The following CCDC97 variants were observed in gnomAD, a reference collection of about 807,000 sequenced individuals.
CCDC97 encodes the protein coiled-coil domain-containing protein 97.
CCDC97 carries 27 observed loss-of-function variants against 33.9 expected under a neutral mutation model. That is an observed-to-expected ratio of 0.80 (90% CI 0.59 to 1.10). The LOEUF (loss-of-function observed/expected upper bound fraction) is 1.10, where lower values mean the gene tolerates loss of function less well. Ranked by LOEUF, CCDC97 falls within the 50% of genes least tolerant of loss-of-function variation. The pLI is 0.00. For missense variants in CCDC97, 422 were observed against 476.6 expected (o/e 0.89, Z 1.07); for synonymous variants, 217 against 194.0 (o/e 1.12, Z -0.99).
Position 41,316,702 on chromosome 19 carries a change from G to C in CCDC97, c.365G>C (p.Cys122Ser). ...RTGLREEHLA[C>S]FGHVRGDHRA... ...GGCCTCCGTGAGGAGCATCTGGCCT[G>C]CTTTGGCCACGTGCGTGGCGACCAC... The change falls in exon 2 of 5, where the codon TGC becomes TCC. Residue 122 changes from cysteine to serine, a missense_variant. Coordinates refer to ENST00000269967, the MANE Select transcript of CCDC97 (RefSeq NM_052848.3). 1 of 1,614,022 alleles carries C rather than the reference G, an allele frequency of 6.2e-7. No homozygotes were observed. Among genetic ancestry groups the C allele is most frequent in the Non-Finnish European group, 8.5e-7 (1 of 1,179,952 alleles).
chr19:41,317,534 G>C (rs2037763144), intron 2 of CCDC97, among the ~76,000 whole-genome samples: 1 of 151,734 alleles, frequency 6.6e-6, no homozygotes, highest in Non-Finnish European at 1.5e-5. Context: ...ACCAGCCTGG[G>C]CAACATGGCG....
chr19:41,310,580 C>T, intron 1 of CCDC97: 2 of 985,326 alleles, frequency 2.0e-6, no homozygotes, highest in South Asian at 4.7e-5. Context: ...TTCCCAGTTC[C>T]AGACCAATCC....
intron 1 of CCDC97, among the ~76,000 whole-genome samples, chr19:41,314,670 C>G (rs1254230135): frequency 6.6e-6 from 1 of 152,204 alleles, no homozygotes; most frequent in Non-Finnish European, 1.5e-5. Flanking sequence ...TCAAATGTCA[C>G]TTTTTTGGCA....
At position 41,316,522 on chromosome 19, in the gene CCDC97, C is replaced by T; in HGVS notation, c.185C>T (p.Ala62Val). ...DSDTSGAENA[A>V]VSAMLHAVAA... The stretch of plus-strand genomic sequence containing the variant: ...GACACCTCCGGGGCTGAAAATGCAG[C>T]AGTGAGTGCTATGCTGCACGCTGTA... The change falls in exon 2 of 5, where the codon GCA (alanine) becomes GTA (valine). Residue 62 changes from alanine (A) to valine (V), a missense_variant. By Grantham distance (64) the Ala-to-Val change is moderately conservative. Coordinates refer to ENST00000269967, the MANE Select transcript of CCDC97 (RefSeq NM_052848.3). The T allele has an allele frequency of 1.2e-6, 2 of 1,614,244 alleles. No individual in the cohort carries two copies. The highest frequency in any genetic ancestry group is 1.7e-6 in the Non-Finnish European group (2 of 1,180,038).
Position 41,316,461 on chromosome 19 carries a change from G to C in CCDC97, c.124G>C (p.Glu42Gln). Residue 42 changes from glutamate (E) to glutamine (Q), a missense_variant, in exon 2 of 5, where the codon GAA becomes CAA. Transcript: ENST00000269967. ...CCCATCTAAACCCCAGGACAAAGTG[G>C]AAGCAGCTGAGGCAACACCAGTGGC... is the stretch of plus-strand genomic sequence containing the variant. Reference protein sequence around the residue: ...PVPSKPQDKVEAAEATPVALD... With the variant: ...PVPSKPQDKVQAAEATPVALD... 6.2e-7 allele frequency: 1 copy of C among 1,614,222 alleles called. No homozygotes were observed. Among genetic ancestry groups the C allele is most frequent in the Non-Finnish European group, 8.5e-7 (1 of 1,180,042 alleles).
chr19:41,318,097 G>A (rs567826279), intron 2 of CCDC97, among the ~76,000 whole-genome samples: 79 of 151,966 alleles, frequency 5.2e-4, no homozygotes, highest in African/African-American at 1.9e-3. Flanking sequence ...GAGATGGAGA[G>A]AGATCCAGAG....
chr19:41,318,642 G>A (rs907825899), intron 2 of CCDC97, among the ~76,000 whole-genome samples: 1 of 152,196 alleles, frequency 6.6e-6, no homozygotes, highest in Non-Finnish European at 1.5e-5. Context: ...AGGGACCAGG[G>A]CAGGTTTAAC....
At position 41,324,124 on chromosome 19, in the gene CCDC97, G is replaced by A. The variant is rs2037857485; in HGVS notation, c.*1409G>A. Reference sequence around the variant, plus strand: ...GCCCTCTGGGTCAACCAGAATTAGAGCCAGACAGGGAAAGTGAGAGCTGGA... The same window carrying A: ...GCCCTCTGGGTCAACCAGAATTAGAACCAGACAGGGAAAGTGAGAGCTGGA... On this transcript the variant is annotated 3_prime_UTR_variant, in exon 5 of 5. Coordinates refer to ENST00000269967, the MANE Select transcript of CCDC97 (RefSeq NM_052848.3). The A allele has an allele frequency of 6.6e-6, 1 of 152,078 alleles. No individual in the cohort carries two copies. Among genetic ancestry groups the A allele is most frequent in the African/African-American group, 2.4e-5 (1 of 41,234 alleles). 9.4% of individuals were successfully genotyped at this position (152,078 alleles called of 1,614,324 possible).
At chr19:41,314,429 A>C (rs111377293) in intron 1 of CCDC97, among the ~76,000 whole-genome samples, 4,226 of 152,378 alleles carry the variant, frequency 0.028, 225 homozygotes, top group African/African-American at 0.096. Flanking sequence ...GGCGCAAGCC[A>C]CCGCGCCCGG....
In CCDC97 at chr19:41,310,340, G is replaced by T; in HGVS notation, c.30G>T (p.Ala10=). MEAVATATA[A]KEPDKGCIEP... ...AGGCCGTGGCGACGGCGACGGCGGC[G>T]AAGGAACCCGATAAGGGTGAGATCT... is the stretch of plus-strand genomic sequence containing the variant. Residue 10 remains alanine, a synonymous_variant, in exon 1 of 5, where the codon GCG becomes GCT. Coordinates refer to ENST00000269967, the MANE Select transcript of CCDC97 (RefSeq NM_052848.3). 1 of 1,606,530 alleles carries T rather than the reference G, an allele frequency of 6.2e-7. No individual in the cohort carries two copies. Among genetic ancestry groups the T allele is most frequent in the Non-Finnish European group, 8.5e-7 (1 of 1,176,930 alleles).
intron 1 of CCDC97, among the ~76,000 whole-genome samples, chr19:41,313,519 C>T (rs577386262): frequency 6.6e-6 from 1 of 152,288 alleles, no homozygotes; most frequent in East Asian, 1.9e-4. Context: ...TGATTTAAAT[C>T]CTCCCTGATA....
rs1223568916 is a variant in CCDC97, at chr19:41,324,400, G to C, written c.*1685G>C. The C allele has an allele frequency of 6.6e-6, 1 of 152,236 alleles. No individual in the cohort carries two copies. Among genetic ancestry groups the C allele is most frequent in the African/African-American group, 2.4e-5 (1 of 41,446 alleles). The allele number at this position is 152,236 out of a possible 1,614,324, so 9.4% of individuals were successfully genotyped here. A position where few individuals can be genotyped will look rare whatever the true frequency, so the allele number is the denominator to read the frequency against. On this transcript the variant is annotated 3_prime_UTR_variant, in exon 5 of 5. Coordinates refer to ENST00000269967, the MANE Select transcript of CCDC97 (RefSeq NM_052848.3). ...TCACAAAGGTCCTAGAAACCACTTG[G>C]CTGTCTGGCCTCTCAGGTGTCAGGG... is the stretch of plus-strand genomic sequence containing the variant.
chr19:41,316,295 C>A, intron 1 of CCDC97, 89 bp from the exon 2 acceptor site: 1 of 1,003,822 alleles, frequency 1.0e-6, no homozygotes, highest in Non-Finnish European at 1.5e-6. Flanking sequence ...ATAGTCAGTG[C>A]CCAGTAAATG....
chr19:41,310,526 G>A, intron 1 of CCDC97, 170 bp downstream of exon 1: 1 of 984,724 alleles, frequency 1.0e-6, no homozygotes, highest in Non-Finnish European at 1.2e-6. Context: ...CTTGTCGCGG[G>A]CTGACCTTCT....
At chr19:41,317,709 T>A (rs1435022510) in intron 2 of CCDC97, among the ~76,000 whole-genome samples, 35 of 115,954 alleles carry the variant, frequency 3.0e-4, no homozygotes, top group African/African-American at 1.3e-3. Flanking sequence ...AGATCTTGTC[T>A]CAAAAAAAAA....
chr19:41,314,682 A>C (rs1274645042), intron 1 of CCDC97, among the ~76,000 whole-genome samples: 1 of 152,138 alleles, frequency 6.6e-6, no homozygotes, highest in Non-Finnish European at 1.5e-5. Context: ...TTTTTGGCAA[A>C]GCCTTCTCTG....
At chr19:41,321,132 G>A (rs557652235) in intron 4 of CCDC97, among the ~76,000 whole-genome samples, 3 of 152,356 alleles carry the variant, frequency 2.0e-5, no homozygotes, top group South Asian at 4.1e-4. Flanking sequence ...CGGACCCTAC[G>A]TCCGTCCTGA....
chr19:41,321,363 T>C (rs2037823249), intron 4 of CCDC97, among the ~76,000 whole-genome samples: 1 of 152,240 alleles, frequency 6.6e-6, no homozygotes, highest in South Asian at 2.1e-4. Flanking sequence ...GCATCACTGC[T>C]GTTCCCAAGC....
At chr19:41,319,003 T>G (rs181922356) in intron 2 of CCDC97, among the ~76,000 whole-genome samples, 6 of 152,338 alleles carry the variant, frequency 3.9e-5, no homozygotes, top group African/African-American at 1.4e-4. Flanking sequence ...TCCTGCATGC[T>G]GACACCCAGA....
Sources: allele counts gnomAD v4.1 joint callset (sites outside exome capture counted in the v4.1 genomes callset), GRCh38; gene constraint gnomAD v4.1.1; transcripts MANE v1.5; gene names NCBI Gene and HGNC (gene_info 2026-07-23, HGNC 2026-07-21).